The following SLC35F5 variants were observed in gnomAD, a reference collection of about 807,000 sequenced individuals.
SLC35F5 encodes the protein solute carrier family 35 member F5.
A neutral mutation model predicts 68.6 loss-of-function variants in SLC35F5; 54 were observed. The ratio of observed to expected loss-of-function variants is 0.79; its 90% confidence interval spans 0.63 to 0.99. The LOEUF is 0.99. Among genes scored for constraint, SLC35F5 ranks in the 50% least tolerant of loss-of-function variants. The pLI is 0.00. For synonymous variants in SLC35F5, 211 were observed against 205.2 expected (o/e 1.03, Z -0.24); for missense variants, 567 against 626.9 (o/e 0.90, Z 1.02).
intron 11 of SLC35F5, among the ~76,000 whole-genome samples, chr2:113,728,299 GTCTT>G (rs1326818814): frequency 6.6e-6 from 1 of 151,964 alleles, no homozygotes; most frequent in Non-Finnish European, 1.5e-5. Context: ...TTTTAAAATA[GTCTT>G]TTTTTAAAAA....
chr2:113,744,213 A>G (rs1444766739), intron 5 of SLC35F5, among the ~76,000 whole-genome samples: 1 of 152,204 alleles, frequency 6.6e-6, no homozygotes, highest in Admixed American at 6.5e-5. Context: ...GAATAAAAGC[A>G]GTCTCTTCCT....
chr2:113,725,576 T>C, intron 11 of SLC35F5, 39 bp from the exon 12 acceptor site: 1 of 1,508,490 alleles, frequency 6.6e-7, no homozygotes, highest in Admixed American at 2.5e-5. Flanking sequence ...AAAATTGATT[T>C]ATTTCTATTT....
chr2:113,731,506 G>A (rs762387178), intron 10 of SLC35F5, 78 bp downstream of exon 10: 19 of 1,095,620 alleles, frequency 1.7e-5, no homozygotes, highest in South Asian at 5.5e-5. Context: ...CCCTTTGTGC[G>A]TTCATCTGTG....
intron 1 of SLC35F5, 163 bp downstream of exon 1, chr2:113,756,207 C>T (rs2104501902): frequency 2.0e-6 from 3 of 1,499,290 alleles, no homozygotes; most frequent in East Asian, 4.9e-5. Context: ...GGGCGCAGGG[C>T]TCCGGCGCCC....
Position 113,719,328 on chromosome 2 carries a change from G to A in SLC35F5, c.1342-20C>T. ...CTGCACCTAAAAATAAAAGATAGAG[G>A]AAAAAACACACCCACAATTATCATT... On this transcript the variant is annotated intron_variant, in intron 13 of 15. Coordinates refer to ENST00000245680, the MANE Select transcript of SLC35F5 (RefSeq NM_025181.5). 6.5e-7 allele frequency: 1 copy of A among 1,529,008 alleles called. No individual in the cohort carries two copies. Among genetic ancestry groups the A allele is most frequent in the Non-Finnish European group, 8.7e-7 (1 of 1,153,264 alleles). 94.7% of individuals were successfully genotyped at this position (1,529,008 alleles called of 1,614,324 possible).
At chr2:113,746,242 A>C in intron 5 of SLC35F5, 35 bp downstream of exon 5, 1 of 1,553,916 alleles carries the variant, frequency 6.4e-7, no homozygotes, top group Non-Finnish European at 8.9e-7. Context: ...GCTCAACCCC[A>C]CCTCTCTATT....
At chr2:113,727,448 C>T (rs920742559) in intron 11 of SLC35F5, among the ~76,000 whole-genome samples, 3 of 152,080 alleles carry the variant, frequency 2.0e-5, no homozygotes, top group Non-Finnish European at 4.4e-5. Context: ...AACACCAAAA[C>T]GTGGCATTAC....
At chr2:113,744,782 G>C (rs1234851786) in intron 5 of SLC35F5, among the ~76,000 whole-genome samples, 4 of 152,118 alleles carry the variant, frequency 2.6e-5, no homozygotes, top group African/African-American at 9.7e-5. Context: ...TACTTTTAGA[G>C]AATAAAGCTG....
chr2:113,755,684 T>C (rs1011727328), intron 1 of SLC35F5, 140 bp from the exon 2 acceptor site: 4 of 1,053,312 alleles, frequency 3.8e-6, no homozygotes, highest in Non-Finnish European at 4.3e-6. Context: ...ACTTGCCACC[T>C]TTCTCAGTAC....
intron 7 of SLC35F5, among the ~76,000 whole-genome samples, chr2:113,741,543 A>C (rs1676275292): frequency 6.6e-6 from 1 of 152,066 alleles, no homozygotes; most frequent in Non-Finnish European, 1.5e-5. Context: ...CTCTACTAAA[A>C]ATACAAAATT....
chr2:113,734,617 T>C lies in SLC35F5; in HGVS notation c.889A>G (p.Thr297Ala). 6.2e-7 allele frequency: 1 copy of C among 1,604,726 alleles called. No individual in the cohort carries two copies. The highest frequency in any genetic ancestry group is 8.5e-7 in the Non-Finnish European group (1 of 1,172,554). Residue 297 changes from threonine to alanine, a missense_variant, in exon 9 of 16, where the codon ACC (threonine) becomes GCC (alanine). By Grantham distance (58) the Thr-to-Ala change is moderately conservative. Coordinates refer to ENST00000245680, the MANE Select transcript of SLC35F5 (RefSeq NM_025181.5). ...VFPSNSGDRFTLSKLLAVILS... is the reference protein window; with the variant it reads ...VFPSNSGDRFALSKLLAVILS... ...ATTACAGCTAATAGTTTAGAAAGGG[T>C]AAATCTATCTCCACTGTTACTTGGA...
intron 1 of SLC35F5, 196 bp from the exon 2 acceptor site, chr2:113,755,740 C>T (rs1395144017): frequency 9.2e-7 from 1 of 1,085,946 alleles, no homozygotes; most frequent in East Asian, 2.6e-5. Context: ...TAGAGAGATA[C>T]GCGATACGGG....
chr2:113,735,274 C>T (rs1475125615), intron 8 of SLC35F5, among the ~76,000 whole-genome samples: 1 of 152,178 alleles, frequency 6.6e-6, no homozygotes, highest in African/African-American at 2.4e-5. Context: ...AGGCATGAAA[C>T]TACAGTCATG....
chr2:113,745,006 C>T (rs536624819), intron 5 of SLC35F5, among the ~76,000 whole-genome samples: 1 of 152,072 alleles, frequency 6.6e-6, no homozygotes, highest in South Asian at 2.1e-4. Flanking sequence ...TCTTTTAACT[C>T]CTGGTACAGA....
chr2:113,709,254 A>C lies in SLC35F5; in HGVS notation c.*5964T>G, dbSNP rs1440623057. On this transcript the variant is annotated 3_prime_UTR_variant, in exon 16 of 16. Coordinates refer to ENST00000245680, the MANE Select transcript of SLC35F5 (RefSeq NM_025181.5). ...ACAGGTGTTTGGCATTGTCTCTGGA[A>C]CTACAAAACTACGGCCTATGTGGTG... Among the ~76,000 whole-genome samples, 5 of 152,130 alleles carry C rather than the reference A, an allele frequency of 3.3e-5. No individual in the cohort carries two copies. Among genetic ancestry groups the C allele is most frequent in the African/African-American group, 4.8e-5 (2 of 41,400 alleles).
rs1687010974 is a variant in SLC35F5 at position 113,712,196 on chromosome 2, AG to A, written c.*3021del. On this transcript the variant is annotated 3_prime_UTR_variant, in exon 16 of 16. Transcript: ENST00000245680. Reference sequence around the variant, plus strand: ...CTTAATGTAAAGAATTAATTAAATCAGGTTGACAGAAGCCAATATCTCAATG... The same window carrying A: ...CTTAATGTAAAGAATTAATTAAATCAGTTGACAGAAGCCAATATCTCAATG... Among the ~76,000 whole-genome samples the A allele has an allele frequency of 6.6e-6, 1 of 152,266 alleles. No individual in the cohort carries two copies.
At chr2:113,729,309 A>T in intron 11 of SLC35F5, 92 bp downstream of exon 11, 1 of 623,392 alleles carries the variant, frequency 1.6e-6, no homozygotes, top group African/African-American at 1.9e-5. Flanking sequence ...GGAAGAAAAA[A>T]AAAGGCTTCC....
In SLC35F5 at chr2:113,755,482, C is replaced by A. The variant is rs771654867; in HGVS notation, c.103G>T (p.Glu35Ter). 7.4e-6 allele frequency: 12 copies of A among 1,613,994 alleles called. No individual in the cohort carries two copies. Among genetic ancestry groups the A allele is most frequent in the Non-Finnish European group, 9.3e-6 (11 of 1,180,006 alleles). ...GTCTTAAGAGCCCTTCTGAGATCCTCAAGAGCAATGCCGGAAAACTTGGCA... is the reference window on the plus strand; with the variant it reads ...GTCTTAAGAGCCCTTCTGAGATCCTAAAGAGCAATGCCGGAAAACTTGGCA... ...RSAKFSGIALEDLRRALKTRL... is the reference protein window; with the variant it reads ...RSAKFSGIAL The change falls in exon 2 of 16, where the codon GAG becomes TAG. Residue 35 changes from glutamate to a stop codon, truncating the protein, a stop_gained. Coordinates refer to ENST00000245680, the MANE Select transcript of SLC35F5 (RefSeq NM_025181.5). LOFTEE classifies it high-confidence loss of function.
At chr2:113,746,759 T>C (rs1676499963) in intron 4 of SLC35F5, among the ~76,000 whole-genome samples, 1 of 152,018 alleles carries the variant, frequency 6.6e-6, no homozygotes, top group Non-Finnish European at 1.5e-5. Flanking sequence ...ACCCTGTCTC[T>C]ACTAAAAATA....
Sources: gnomAD v4.1 joint callset for allele counts (sites outside exome capture counted in the v4.1 genomes callset) on GRCh38, gnomAD v4.1.1 for gene constraint, MANE v1.5 for transcripts, NCBI Gene and HGNC (gene_info 2026-07-23, HGNC 2026-07-21) for gene names.